The following DOCK8 variants were observed in gnomAD, a reference collection of about 807,000 sequenced individuals.
The protein encoded by DOCK8 is dedicator of cytokinesis protein 8.
Under a neutral mutation model 245.6 loss-of-function variants are expected in DOCK8, and 141 were observed. The ratio of observed to expected loss-of-function variants is 0.57; its 90% confidence interval spans 0.50 to 0.66. DOCK8 has a LOEUF of 0.66. Ranked by LOEUF, DOCK8 falls within the 30% of genes least tolerant of loss-of-function variation. DOCK8 has a pLI of 0.00. For missense variants in DOCK8, 2,965 were observed against 2,603.4 expected (o/e 1.14, Z -3.02); for synonymous variants, 1,168 against 970.2 (o/e 1.20, Z -3.79).
intron 1 of DOCK8, among the ~76,000 whole-genome samples, chr9:257,003 C>T (rs1364636327): frequency 2.0e-5 from 3 of 152,188 alleles, no homozygotes; most frequent in African/African-American, 7.2e-5. Context: ...AAATATTCAC[C>T]CTTCCAGGCA....
intron 39 of DOCK8, among the ~76,000 whole-genome samples, chr9:438,372 G>A (rs1221907685): frequency 6.6e-6 from 1 of 152,222 alleles, no homozygotes; most frequent in Non-Finnish European, 1.5e-5. Context: ...GGAGTGGCAT[G>A]TGTGCCACCT....
chr9:295,135 G>C (rs1461819495), intron 4 of DOCK8, among the ~76,000 whole-genome samples: 4 of 151,784 alleles, frequency 2.6e-5, no homozygotes, highest in African/African-American at 9.7e-5. Context: ...ACTCCAGCCT[G>C]GGCAACAAAG....
rs757607102 is a variant in DOCK8, at chr9:312,096, A to T, written c.671A>T (p.Lys224Met). Reference sequence around the variant, plus strand: ...CAAGTGAGTGCCGAGGACTTTGAGAAGCAGAACGAGGAGGCCCGGAGGACC... The same window carrying T: ...CAAGTGAGTGCCGAGGACTTTGAGATGCAGAACGAGGAGGCCCGGAGGACC... ...LQQVSAEDFE[K>M]QNEEARRTNR... The change falls in exon 6 of 48, where the codon AAG becomes ATG. Residue 224 changes from lysine to methionine, a missense_variant. This residue lies in a region of DOCK8 where 2,825 missense variants were observed against 2,453.5 expected (regional missense o/e 1.15). Coordinates refer to ENST00000432829, the MANE Select transcript of DOCK8 (RefSeq NM_203447.4). 6.2e-7 allele frequency: 1 copy of T among 1,614,244 alleles called. No individual in the cohort carries two copies. The highest frequency in any genetic ancestry group is 8.5e-7 in the Non-Finnish European group (1 of 1,180,036).
intron 2 of DOCK8, among the ~76,000 whole-genome samples, chr9:275,201 A>G (rs900984811): frequency 5.3e-5 from 8 of 149,998 alleles, no homozygotes; most frequent in Non-Finnish European, 2.9e-5. Flanking sequence ...TATATTGGCT[A>G]GTATTGCTCT....
intron 1 of DOCK8, among the ~76,000 whole-genome samples, chr9:271,418 C>A (rs1306754839): frequency 6.6e-6 from 1 of 152,172 alleles, no homozygotes; most frequent in Admixed American, 6.5e-5. Context: ...CTGCAGGCAT[C>A]ATGGCCTCTG....
At chr9:409,404 A>G (rs1162528858) in intron 28 of DOCK8, among the ~76,000 whole-genome samples, 1 of 152,230 alleles carries the variant, frequency 6.6e-6, no homozygotes, top group Non-Finnish European at 1.5e-5. Context: ...CAGACTAAGA[A>G]CAAGAAAAAC....
chr9:384,118 T>G (rs2053844921), intron 22 of DOCK8, among the ~76,000 whole-genome samples: 2 of 152,350 alleles, frequency 1.3e-5, no homozygotes, highest in African/African-American at 4.8e-5. Flanking sequence ...AGACTTTCTT[T>G]GTTCTTCATG....
upstream of DOCK8, chr9:213,068 C>T (rs1280983562): frequency 6.6e-6 from 1 of 152,122 alleles, no homozygotes; most frequent in Non-Finnish European, 1.5e-5. Context: ...TCATAAATTC[C>T]AATGTAGTAA....
chr9:362,314 A>G (rs559137469), intron 14 of DOCK8, among the ~76,000 whole-genome samples: 1 of 152,332 alleles, frequency 6.6e-6, no homozygotes, highest in East Asian at 1.9e-4. Context: ...AATAACCCCA[A>G]CTTCATGAAC....
Position 289,505 on chromosome 9 carries a change from A to G in DOCK8, c.333-5A>G, listed in dbSNP as rs2048952910. On this transcript the variant is annotated splice_polypyrimidine_tract_variant and splice_region_variant and intron_variant, in intron 3 of 47. Transcript: ENST00000432829. Reference sequence around the variant, plus strand: ...ACGTGTTTATTTCATTTTCTACCTCATTAGGGTTGAACTGGACCCTCATGT... The same window carrying G: ...ACGTGTTTATTTCATTTTCTACCTCGTTAGGGTTGAACTGGACCCTCATGT... 1 of 1,613,036 alleles carries G rather than the reference A, an allele frequency of 6.2e-7. No homozygotes were observed. The highest frequency in any genetic ancestry group is 1.3e-5 in the African/African-American group (1 of 75,010).
At chr9:304,749 C>G (rs1239459927) in intron 5 of DOCK8, 45 bp downstream of exon 5, 4 of 1,613,248 alleles carry the variant, frequency 2.5e-6, no homozygotes, top group Non-Finnish European at 3.4e-6. Context: ...CTGGGCTCTT[C>G]TGCCCAGGGC....
At chr9:264,320 A>G (rs1253970976) in intron 1 of DOCK8, among the ~76,000 whole-genome samples, 2 of 152,224 alleles carry the variant, frequency 1.3e-5, no homozygotes, top group African/African-American at 4.8e-5. Context: ...TCTAATAAAC[A>G]TTCTACTGTC....
In DOCK8 at chr9:463,556, G is replaced by A. The variant is rs1229902941; in HGVS notation, c.6108G>A (p.Thr2036=). 9 of 1,614,002 alleles carry A rather than the reference G, an allele frequency of 5.6e-6. No individual in the cohort carries two copies. Among genetic ancestry groups the A allele is most frequent in the South Asian group, 2.2e-5 (2 of 91,078 alleles). The change falls in exon 47 of 48, where the codon ACG becomes ACA. Residue 2036 remains threonine (T), a synonymous_variant. Coordinates refer to ENST00000432829, the MANE Select transcript of DOCK8 (RefSeq NM_203447.4). ...TAGAGAAAAACAAGCGTCTCATCAC[G>A]GCAGACCAGAGGGAATATCAGCAGG... The part of the protein sequence containing the change: ...EAVEKNKRLI[T]ADQREYQQEL...
At chr9:418,962 C>T (rs553405252) in intron 30 of DOCK8, among the ~76,000 whole-genome samples, 93 of 152,208 alleles carry the variant, frequency 6.1e-4, no homozygotes, top group African/African-American at 2.1e-3. Flanking sequence ...TTCTAGGACC[C>T]CAGGGAGCCT....
chr9:264,537 C>A (rs1266527199), intron 1 of DOCK8, among the ~76,000 whole-genome samples: 1 of 152,136 alleles, frequency 6.6e-6, no homozygotes. Flanking sequence ...CTGAAATAAT[C>A]CATTGTGAGG....
At chr9:249,955 G>C (rs2047609589) in intron 1 of DOCK8, among the ~76,000 whole-genome samples, 1 of 152,024 alleles carries the variant, frequency 6.6e-6, no homozygotes, top group Non-Finnish European at 1.5e-5. Flanking sequence ...ACAGCATCTG[G>C]ACAATCCCTA....
At chr9:289,393 C>A in intron 3 of DOCK8, 117 bp from the exon 4 acceptor site, 1 of 809,280 alleles carries the variant, frequency 1.2e-6, no homozygotes, top group South Asian at 1.5e-5. Flanking sequence ...CAAGAACATC[C>A]TAAGCATTCT....
chr9:428,999 G>A (rs755891943), intron 35 of DOCK8, among the ~76,000 whole-genome samples: 8 of 151,894 alleles, frequency 5.3e-5, no homozygotes, highest in South Asian at 2.1e-4. Flanking sequence ...ACTGAGTCTC[G>A]CTCTATCGCC....
intron 1 of DOCK8, among the ~76,000 whole-genome samples, chr9:243,159 A>C (rs2047417858): frequency 6.6e-6 from 1 of 152,188 alleles, no homozygotes; most frequent in Admixed American, 6.5e-5. Flanking sequence ...TCAGGGGCTT[A>C]ATCAACTCAG....
Sources: allele counts gnomAD v4.1 joint callset (sites outside exome capture counted in the v4.1 genomes callset), GRCh38; gene constraint gnomAD v4.1.1; regional missense constraint gnomAD v4.1.1; transcripts MANE v1.5; gene names NCBI Gene and HGNC (gene_info 2026-07-23, HGNC 2026-07-21).